COQ6: variants seen among roughly 807,000 people sequenced by gnomAD.
The protein encoded by COQ6 is ubiquinone biosynthesis monooxygenase COQ6, mitochondrial.
In COQ6, 45 loss-of-function variants were observed where a neutral mutation model predicts 55.5. That is an observed-to-expected ratio of 0.81 (90% CI 0.64 to 1.04). The LOEUF (loss-of-function observed/expected upper bound fraction) is 1.04. COQ6 is among the 50% of genes least tolerant of loss of function. The pLI is 0.00. For missense variants in COQ6, 550 were observed against 601.3 expected, an observed-to-expected ratio of 0.91 and a Z score of 0.89; for synonymous variants, 206 against 230.5, an observed-to-expected ratio of 0.89 and a Z score of 0.96.
rs1345151223 is a variant in COQ6, at chr14:73,958,207, C to G, written c.542C>G (p.Pro181Arg). The change falls in exon 5 of 12, where the codon CCT becomes CGT. Residue 181 changes from proline (P) to arginine (R), a missense_variant. Coordinates refer to ENST00000334571, the MANE Select transcript of COQ6 (RefSeq NM_182476.3). ...AIRYTWPCPF[P>R]MADSSPWVHI... ...CGCTATACCTGGCCTTGTCCATTTC[C>G]TATGGCCGACTCCAGCCCTTGGGTT... 2.5e-6 allele frequency: 4 copies of G among 1,614,010 alleles called. No homozygotes were observed. In the African/African-American group the frequency reaches 5.3e-5, roughly 22 times the overall value.
intron 4 of COQ6, among the ~76,000 whole-genome samples, chr14:73,957,038 T>G (rs2056466239): frequency 6.6e-6 from 1 of 152,084 alleles, no homozygotes; most frequent in Non-Finnish European, 1.5e-5. Flanking sequence ...AGGGTGATTT[T>G]TCTCCACTTG....
intron 5 of COQ6, 85 bp from the exon 6 acceptor site, chr14:73,958,886 G>C (rs946894944): frequency 8.9e-6 from 14 of 1,576,796 alleles, no homozygotes; most frequent in Non-Finnish European, 1.2e-5. Context: ...ATCAGAGCTG[G>C]AGGAAACTTT....
At chr14:73,955,542 G>A (rs200192324) in intron 3 of COQ6, 33 bp downstream of exon 3, 8 of 1,583,766 alleles carry the variant, frequency 5.1e-6, no homozygotes, top group East Asian at 2.2e-5. Flanking sequence ...TTGTCAAGAT[G>A]TCTTGGTCTG....
chr14:73,958,540 G>T (rs565873669), intron 5 of COQ6: 1 of 1,320,432 alleles, frequency 7.6e-7, no homozygotes, highest in African/African-American at 1.5e-5. Flanking sequence ...GTTGGGAATG[G>T]AGGCTGTTCT....
At chr14:73,962,404 A>G (rs182583800) in intron 11 of COQ6, among the ~76,000 whole-genome samples, 1 of 152,282 alleles carries the variant, frequency 6.6e-6, no homozygotes, top group East Asian at 1.9e-4. Flanking sequence ...GGGCTTAAAA[A>G]TAGTGAATAG....
intron 5 of COQ6, chr14:73,958,758 C>T: frequency 1.4e-6 from 2 of 1,457,632 alleles, no homozygotes; most frequent in Non-Finnish European, 1.8e-6. Context: ...TGGCTGGCAC[C>T]TGTTCAGTCA....
rs1287513138 is a variant in COQ6, at chr14:73,956,282, C to T, written c.481+354C>T. The T allele has an allele frequency of 2.3e-5, 6 of 259,986 alleles. No individual in the cohort carries two copies. In the South Asian group the frequency reaches 2.4e-4, roughly 10 times the overall value. The allele number at this position is 259,986 out of a possible 1,614,324, so 16.1% of individuals were successfully genotyped here. On this transcript the variant is annotated intron_variant, in intron 4 of 11. Transcript: ENST00000334571. ...GGTGGAGCTTGCAGTGAGCCGAGAT[C>T]ACGCCACTGCACTCCAGCCTGGGCG...
In COQ6 at chr14:73,959,589, T is replaced by G. The variant is rs1437687808; in HGVS notation, c.891+67T>G. On this transcript the variant is annotated intron_variant, in intron 8 of 11. Coordinates refer to ENST00000334571, the MANE Select transcript of COQ6 (RefSeq NM_182476.3). Reference sequence around the variant, plus strand: ...AGATACAGAAAGGTGTTGTTTTTTTTTTTTTGAAACGGATCCTTGCCAGGC... The same window carrying G: ...AGATACAGAAAGGTGTTGTTTTTTTGTTTTTGAAACGGATCCTTGCCAGGC... 3.1e-6 allele frequency: 5 copies of G among 1,612,630 alleles called. No homozygotes were observed. The South Asian group carries it at 5.5e-5, about 18-fold the overall frequency.
At chr14:73,954,636 G>A (rs578001530) in intron 2 of COQ6, among the ~76,000 whole-genome samples, 214 of 152,010 alleles carry the variant, frequency 1.4e-3, no homozygotes, top group Middle Eastern at 3.4e-3. Context: ...AGGGTCAGGC[G>A]ATCGAGATCA....
intron 5 of COQ6, chr14:73,958,694 T>C: frequency 1.5e-6 from 2 of 1,354,006 alleles, no homozygotes; most frequent in Non-Finnish European, 1.9e-6. Flanking sequence ...TACTGAAACT[T>C]TCCTTATTGC....
At chr14:73,962,016 C>G in intron 11 of COQ6, 113 bp downstream of exon 11, 1 of 1,227,542 alleles carries the variant, frequency 8.1e-7, no homozygotes, top group Admixed American at 1.8e-5. Flanking sequence ...GGCACAATTT[C>G]CACTCACTGC....
rs1213464437 is a variant in COQ6 at position 73,958,439 on chromosome 14, C to T, written c.612+162C>T. On this transcript the variant is annotated intron_variant, in intron 5 of 11. Transcript: ENST00000334571. ...AGGCCAGCTCAAGTGGAGATGGTCTCATCGTAAATCCTGTACAGGGAGCAA... is the reference window on the plus strand; with the variant it reads ...AGGCCAGCTCAAGTGGAGATGGTCTTATCGTAAATCCTGTACAGGGAGCAA... 3.3e-6 allele frequency: 5 copies of T among 1,493,056 alleles called. 1 individual carries two copies. The South Asian group carries it at 6.1e-5, about 18-fold the overall frequency. 92.5% of individuals were successfully genotyped at this position (1,493,056 alleles called of 1,614,324 possible). A position where few individuals can be genotyped will look rare whatever the true frequency, so the allele number is the denominator to read the frequency against.
chr14:73,953,548 G>A lies in COQ6; in HGVS notation c.277G>A (p.Gly93Ser). ...YSNRVSSISP[G>S]SATLLSSFGA... ...CAACAGGGTCAGCTCCATTTCCCCTGGCTCTGCAACGCTTCTCAGTAGTGA... is the reference window on the plus strand; with the variant it reads ...CAACAGGGTCAGCTCCATTTCCCCTAGCTCTGCAACGCTTCTCAGTAGTGA... Residue 93 changes from glycine (G) to serine (S), a missense_variant, in exon 2 of 12, where the codon GGC becomes AGC. Gly to Ser is a moderately conservative substitution (Grantham distance 56). Coordinates refer to ENST00000334571, the MANE Select transcript of COQ6 (RefSeq NM_182476.3). 2.5e-6 allele frequency: 4 copies of A among 1,614,182 alleles called. No homozygotes were observed. The highest frequency in any genetic ancestry group is 3.4e-6 in the Non-Finnish European group (4 of 1,180,050).
chr14:73,961,617 A>C (rs2056738993), intron 10 of COQ6, 47 bp downstream of exon 10: 2 of 1,606,596 alleles, frequency 1.2e-6, no homozygotes, highest in Non-Finnish European at 1.7e-6. Context: ...TCATATAGTT[A>C]GGCAAGATCA....
rs1182650426 is a variant in COQ6 at position 73,963,342 on chromosome 14, G to C, written c.*343G>C. The C allele has an allele frequency of 4.8e-6, 2 of 416,948 alleles. No individual in the cohort carries two copies. The highest frequency in any genetic ancestry group is 4.2e-6 in the Non-Finnish European group (1 of 236,200). 25.8% of individuals were successfully genotyped at this position (416,948 alleles called of 1,614,324 possible). ...TACATTTTGTTTTTGTTTTAATGTTGGTCATAAATTTATACAGTTGTTTTT... is the reference window on the plus strand; with the variant it reads ...TACATTTTGTTTTTGTTTTAATGTTCGTCATAAATTTATACAGTTGTTTTT... On this transcript the variant is annotated 3_prime_UTR_variant, in exon 12 of 12. Transcript: ENST00000334571.
chr14:73,959,384 A>G (rs2056599746), intron 7 of COQ6, 31 bp from the exon 8 acceptor site: 2 of 1,614,042 alleles, frequency 1.2e-6, no homozygotes, highest in Middle Eastern at 1.6e-4. Flanking sequence ...GCAGAGTCTT[A>G]GCCGTTGGTA....
chr14:73,958,214 C>T lies in COQ6; in HGVS notation c.549C>T (p.Ala183=), dbSNP rs767117446. 2.9e-5 allele frequency: 46 copies of T among 1,613,934 alleles called. No homozygotes were observed. The highest frequency in any genetic ancestry group is 2.1e-4 in the South Asian group (19 of 91,068). Residue 183 remains alanine, a synonymous_variant, in exon 5 of 12, where the codon GCC becomes GCT. Coordinates refer to ENST00000334571, the MANE Select transcript of COQ6 (RefSeq NM_182476.3). ...CCTGGCCTTGTCCATTTCCTATGGC[C>T]GACTCCAGCCCTTGGGTTCATATTA... is the stretch of plus-strand genomic sequence containing the variant. The part of the protein sequence containing the change: ...RYTWPCPFPM[A]DSSPWVHITL...
intron 8 of COQ6, chr14:73,960,591 TCATTCAC>T: frequency 9.6e-7 from 1 of 1,037,924 alleles, no homozygotes; most frequent in Non-Finnish European, 1.2e-6. Context: ...TGCAGTGCAG[TCATTCAC>T]CATTAATTGT....
At position 73,956,201 on chromosome 14, in the gene COQ6, G is replaced by T. The variant is rs112175736; in HGVS notation, c.481+273G>T. ...CAATTAGCCAGGCATGGTGGCGGGC[G>T]CCTATAGACCCAGCTACTTGGGAGG... On this transcript the variant is annotated intron_variant, in intron 4 of 11. Coordinates refer to ENST00000334571, the MANE Select transcript of COQ6 (RefSeq NM_182476.3). 7 of 376,048 alleles carry T rather than the reference G, an allele frequency of 1.9e-5. No homozygotes were observed. The Admixed American group carries it at 2.2e-4, about 12-fold the overall frequency. 23.3% of individuals were successfully genotyped at this position (376,048 alleles called of 1,614,324 possible).
Sources: allele counts gnomAD v4.1 joint callset (sites outside exome capture counted in the v4.1 genomes callset), GRCh38; gene constraint gnomAD v4.1.1; transcripts MANE v1.5; gene names NCBI Gene and HGNC (gene_info 2026-07-23, HGNC 2026-07-21).